Variants in MGAT4C observed in about 807,000 individuals in gnomAD.
MGAT4C encodes the protein alpha-1,3-mannosyl-glycoprotein 4-beta-N-acetylglucosaminyltransferase C.
In MGAT4C, 19 loss-of-function variants were observed where a neutral mutation model predicts 40.1. The ratio of observed to expected loss-of-function variants is 0.47; its 90% CI spans 0.33 to 0.70. MGAT4C has a LOEUF of 0.70. MGAT4C is among the 30% of genes least tolerant of loss of function. MGAT4C has a pLI of 0.02. For missense variants in MGAT4C, 491 were observed against 563.2 expected (o/e 0.87, Z 1.30); for synonymous variants, 181 against 187.1 (o/e 0.97, Z 0.27).
At chr12:86,436,620 G>T (rs994751635) in intron 2 of MGAT4C, among the ~76,000 whole-genome samples, 7 of 151,448 alleles carry the variant, frequency 4.6e-5, no homozygotes, top group Admixed American at 6.6e-5. Context: ...AAGACTCAAA[G>T]GATAAGGACT....
At chr12:86,838,870 A>G (rs1953093748), upstream of MGAT4C, 1 of 152,214 alleles carries the variant, frequency 6.6e-6, no homozygotes, top group Non-Finnish European at 1.5e-5. Context: ...AGGGATGGCA[A>G]TCTGGTGTTC....
chr12:86,223,689 A>C (rs1201720836), intron 1 of MGAT4C, among the ~76,000 whole-genome samples: 1 of 152,118 alleles, frequency 6.6e-6, no homozygotes, highest in African/African-American at 2.4e-5. Context: ...TCACTTTGTA[A>C]TGATGTTTTC....
chr12:86,290,767 A>T (rs1953490782), intron 4 of MGAT4C, among the ~76,000 whole-genome samples: 1 of 152,124 alleles, frequency 6.6e-6, no homozygotes, highest in South Asian at 2.1e-4. Context: ...AAGAAACCAT[A>T]ACCCATGGTA....
chr12:86,034,584 T>A (rs1354082606), intron 2 of MGAT4C, among the ~76,000 whole-genome samples: 4 of 146,292 alleles, frequency 2.7e-5, no homozygotes, highest in Non-Finnish European at 6.0e-5. Context: ...TTTTTTTAAA[T>A]TTTTTTTTAT....
intron 2 of MGAT4C, among the ~76,000 whole-genome samples, chr12:86,040,432 A>G (rs1339183786): frequency 6.6e-6 from 1 of 152,170 alleles, no homozygotes; most frequent in Admixed American, 6.6e-5. Flanking sequence ...TGCCCTGCCC[A>G]GAGAGGAGGG....
At chr12:86,467,113 T>C (rs970802285) in intron 2 of MGAT4C, among the ~76,000 whole-genome samples, 1 of 152,164 alleles carries the variant, frequency 6.6e-6, no homozygotes, top group African/African-American at 2.4e-5. Flanking sequence ...ATATTACTTA[T>C]AGTCCTTGAA....
intron 2 of MGAT4C, among the ~76,000 whole-genome samples, chr12:86,628,921 A>T (rs1251109154): frequency 6.6e-6 from 1 of 152,186 alleles, no homozygotes; most frequent in Non-Finnish European, 1.5e-5. Context: ...TAAATGGACT[A>T]AATTCCCCAA....
chr12:86,824,993 C>G (rs1398854744), intron 1 of MGAT4C, among the ~76,000 whole-genome samples: 1 of 151,222 alleles, frequency 6.6e-6, no homozygotes, highest in Non-Finnish European at 1.5e-5. Context: ...TTTTCATGAA[C>G]TGTTTCTGAT....
intron 1 of MGAT4C, among the ~76,000 whole-genome samples, chr12:86,126,256 T>C (rs1880245859): frequency 6.6e-6 from 1 of 151,798 alleles, no homozygotes; most frequent in Admixed American, 6.6e-5. Context: ...ATATTACTAA[T>C]AAAGAATATA....
intron 1 of MGAT4C, among the ~76,000 whole-genome samples, chr12:86,096,826 T>G: frequency 6.6e-6 from 1 of 151,704 alleles, no homozygotes; most frequent in East Asian, 1.9e-4. Context: ...GTAGAGGGGA[T>G]TCTTCCACCT....
chr12:86,080,798 T>C (rs1393612), intron 1 of MGAT4C, among the ~76,000 whole-genome samples: 86,766 of 152,098 alleles, frequency 0.57, 25,611 homozygotes, highest in East Asian at 0.92. Flanking sequence ...TGTTACCCCA[T>C]GAAGTTATCT....
intron 1 of MGAT4C, among the ~76,000 whole-genome samples, chr12:86,785,383 A>G (rs560765072): frequency 6.6e-6 from 1 of 152,186 alleles, no homozygotes; most frequent in East Asian, 1.9e-4. Context: ...TAACACAATT[A>G]AAGTATAAGC....
intron 3 of MGAT4C, among the ~76,000 whole-genome samples, chr12:86,404,906 G>A (rs542127651): frequency 3.4e-4 from 52 of 152,132 alleles, no homozygotes; most frequent in Admixed American, 1.4e-3. Context: ...AACTAAATGA[G>A]ATAGGAAAGT....
chr12:86,744,794 G>C (rs372214720), intron 1 of MGAT4C, among the ~76,000 whole-genome samples: 1 of 151,474 alleles, frequency 6.6e-6, no homozygotes, highest in Non-Finnish European at 1.5e-5. Context: ...TCTCCTTCAA[G>C]TGTGTCACTT....
chr12:86,410,073 A>G (rs1956573054), intron 3 of MGAT4C, among the ~76,000 whole-genome samples: 2 of 152,122 alleles, frequency 1.3e-5, no homozygotes, highest in East Asian at 1.9e-4. Context: ...AAAGATCACA[A>G]GGCAAAGGGC....
At chr12:86,694,373 T>A (rs1950220281) in intron 2 of MGAT4C, among the ~76,000 whole-genome samples, 1 of 152,158 alleles carries the variant, frequency 6.6e-6, no homozygotes, top group African/African-American at 2.4e-5. Context: ...CTTTTTAAAT[T>A]AAGTTTTAAT....
intron 4 of MGAT4C, among the ~76,000 whole-genome samples, chr12:86,331,241 G>C (rs76799973): frequency 2.0e-5 from 3 of 152,168 alleles, no homozygotes; most frequent in Non-Finnish European, 4.4e-5. Context: ...CCAAGCGGTT[G>C]CATCCCTTCT....
At chr12:86,622,154 C>T (rs12368932) in intron 2 of MGAT4C, among the ~76,000 whole-genome samples, 5,402 of 152,004 alleles carry the variant, frequency 0.036, 140 homozygotes, top group Non-Finnish European at 0.049. Context: ...TTTATTGTGA[C>T]GTAATTTTAT....
intron 2 of MGAT4C, among the ~76,000 whole-genome samples, chr12:86,493,474 A>T (rs1958177443): frequency 1.3e-5 from 2 of 152,316 alleles, no homozygotes; most frequent in East Asian, 1.9e-4. Context: ...GCCATAAAAA[A>T]TGATGAGTTC....
Sources: allele counts gnomAD v4.1 joint callset (sites outside exome capture counted in the v4.1 genomes callset), GRCh38; gene constraint gnomAD v4.1.1; transcripts MANE v1.5; gene names NCBI Gene and HGNC (gene_info 2026-07-23, HGNC 2026-07-21).